Variants in PCDH7 observed in about 807,000 individuals in gnomAD.
The protein encoded by PCDH7 is protocadherin 7.
Under a neutral mutation model 58.9 loss-of-function variants are expected in PCDH7, and 17 were observed. The ratio of observed to expected loss-of-function variants is 0.29; its 90% CI spans 0.20 to 0.43. The LOEUF is 0.43. Ranked by LOEUF, PCDH7 falls within the 20% of genes least tolerant of loss-of-function variation. The pLI, the probability that PCDH7 is intolerant of heterozygous loss-of-function variation, is 1.00. For synonymous variants in PCDH7, 664 were observed against 616.4 expected (o/e 1.08, Z -1.14); for missense variants, 1,274 against 1,441.0 (o/e 0.88, Z 1.88).
At chr4:30,889,558 G>A (rs1738329615) in intron 1 of PCDH7, among the ~76,000 whole-genome samples, 1 of 152,036 alleles carries the variant, frequency 6.6e-6, no homozygotes, top group Non-Finnish European at 1.5e-5. Flanking sequence ...TCAACTGTTT[G>A]AGCTACCATA....
intron 1 of PCDH7, among the ~76,000 whole-genome samples, chr4:30,768,955 A>G (rs1471720689): frequency 6.6e-6 from 1 of 152,194 alleles, no homozygotes; most frequent in Non-Finnish European, 1.5e-5. Context: ...AAAACTGTAT[A>G]ATTTTTACAG....
At chr4:30,845,339 G>T (rs1731778724) in intron 1 of PCDH7, among the ~76,000 whole-genome samples, 1 of 152,074 alleles carries the variant, frequency 6.6e-6, no homozygotes, top group African/African-American at 2.4e-5. Context: ...TGTTTATTTT[G>T]ATATGGAAGC....
chr4:30,736,535 A>AT (rs35719962), downstream of PCDH7, among the ~76,000 whole-genome samples: 5,958 of 134,466 alleles, frequency 0.044, 207 homozygotes, highest in East Asian at 0.08. Flanking sequence ...ATTTTCATTT[A>AT]TTTTTTTTTT....
chr4:30,894,441 T>A (rs1739022933), intron 1 of PCDH7, among the ~76,000 whole-genome samples: 1 of 119,774 alleles, frequency 8.3e-6, no homozygotes. Context: ...AAGGCCCTGG[T>A]CTGGAGACCA....
intron 3 of PCDH7, among the ~76,000 whole-genome samples, chr4:30,955,526 A>G (rs1343295445): frequency 1.3e-5 from 2 of 149,924 alleles, no homozygotes; most frequent in Non-Finnish European, 3.0e-5. Flanking sequence ...ATTTTATTTC[A>G]TTTTATTTTA....
At chr4:30,922,310 T>G (rs960540778) in intron 2 of PCDH7, among the ~76,000 whole-genome samples, 4 of 151,938 alleles carry the variant, frequency 2.6e-5, no homozygotes, top group African/African-American at 9.7e-5. Context: ...GAACATATAA[T>G]TTTGTTTGTG....
At chr4:30,845,597 TTC>T (rs1163450521) in intron 1 of PCDH7, among the ~76,000 whole-genome samples, 1 of 152,134 alleles carries the variant, frequency 6.6e-6, no homozygotes, top group Non-Finnish European at 1.5e-5. Context: ...TTACTGTGTA[TTC>T]TCTCTTTGTC....
intron 1 of PCDH7, among the ~76,000 whole-genome samples, chr4:30,847,269 A>G (rs1325737761): frequency 6.6e-6 from 1 of 152,144 alleles, no homozygotes; most frequent in Non-Finnish European, 1.5e-5. Context: ...GCAGATTTAC[A>G]CCCTGTAGCT....
intron 3 of PCDH7, among the ~76,000 whole-genome samples, chr4:31,084,585 C>T (rs938485996): frequency 2.2e-4 from 32 of 144,686 alleles, no homozygotes; most frequent in Non-Finnish European, 7.5e-5. Flanking sequence ...GCTCAGGGGG[C>T]TTATAGGGAA....
At chr4:31,075,089 T>C (rs1758877550) in intron 3 of PCDH7, among the ~76,000 whole-genome samples, 1 of 152,022 alleles carries the variant, frequency 6.6e-6, no homozygotes, top group Non-Finnish European at 1.5e-5. Flanking sequence ...CAGAGACAAA[T>C]GTAGATAAAA....
At chr4:31,037,893 A>G (rs1755548184) in intron 3 of PCDH7, among the ~76,000 whole-genome samples, 1 of 152,244 alleles carries the variant, frequency 6.6e-6, no homozygotes, top group Non-Finnish European at 1.5e-5. Context: ...AGACAGGTCT[A>G]TGTGACAAGT....
chr4:30,940,477 T>C (rs1438520172), intron 2 of PCDH7, among the ~76,000 whole-genome samples: 2 of 152,058 alleles, frequency 1.3e-5, no homozygotes, highest in Non-Finnish European at 2.9e-5. Flanking sequence ...ACCAAAATAA[T>C]ACACTAGCAT....
At chr4:30,934,252 G>T (rs1206457056) in intron 2 of PCDH7, among the ~76,000 whole-genome samples, 1 of 150,368 alleles carries the variant, frequency 6.7e-6, no homozygotes, top group Non-Finnish European at 1.5e-5. Flanking sequence ...TATTATCTAT[G>T]TCCCCGGGAT....
chr4:31,098,215 T>TGA (rs1714417831), intron 3 of PCDH7, among the ~76,000 whole-genome samples: 2 of 152,344 alleles, frequency 1.3e-5, no homozygotes, highest in Admixed American at 1.3e-4. Context: ...GTTCCCATTG[T>TGA]GAAAGCATAT....
chr4:30,761,827 A>G lies in PCDH7; in HGVS notation c.70+37231A>G, dbSNP rs139969030. ...AACAGTAATATGAATTAGATATGCT[A>G]TTTAATCTATTTGGTAGAGAAAAAA... is the stretch of plus-strand genomic sequence containing the variant. On this transcript the variant is annotated intron_variant, in intron 1 of 3. Transcript: ENST00000509759. 2.6e-5 allele frequency among the ~76,000 whole-genome samples: 4 copies of G among 152,338 alleles called. No homozygotes were observed. The East Asian group carries it at 7.7e-4, about 29-fold the overall frequency.
At chr4:30,888,154 G>A (rs941597076) in intron 1 of PCDH7, among the ~76,000 whole-genome samples, 8 of 152,034 alleles carry the variant, frequency 5.3e-5, no homozygotes, top group African/African-American at 9.7e-5. Flanking sequence ...GATTACAGGC[G>A]TGAGCCACTG....
intron 1 of PCDH7, among the ~76,000 whole-genome samples, chr4:30,726,415 T>A (rs1021910176): frequency 6.6e-6 from 1 of 152,038 alleles, no homozygotes; most frequent in Non-Finnish European, 1.5e-5. Flanking sequence ...AGTGACACTT[T>A]TATGGATATT....
chr4:31,135,679 T>C (rs983256527), intron 3 of PCDH7, among the ~76,000 whole-genome samples: 3 of 152,228 alleles, frequency 2.0e-5, no homozygotes, highest in Non-Finnish European at 4.4e-5. Context: ...GCATGTGTCA[T>C]ATATTATTTT....
At chr4:30,993,282 T>C (rs1196592115) in intron 3 of PCDH7, among the ~76,000 whole-genome samples, 1 of 152,220 alleles carries the variant, frequency 6.6e-6, no homozygotes, top group African/African-American at 2.4e-5. Flanking sequence ...CATGGGTAGA[T>C]ACTGTGCTTG....
Sources: gnomAD v4.1 joint callset for allele counts (sites outside exome capture counted in the v4.1 genomes callset) on GRCh38, gnomAD v4.1.1 for gene constraint, MANE v1.5 for transcripts, NCBI Gene and HGNC (gene_info 2026-07-23, HGNC 2026-07-21) for gene names.